CTBP1: variants seen among roughly 807,000 people sequenced by gnomAD.
The protein encoded by CTBP1 is C-terminal-binding protein 1.
A neutral mutation model predicts 42.1 loss-of-function variants in CTBP1; 11 were observed. The ratio of observed to expected loss-of-function variants is 0.26; its 90% CI spans 0.16 to 0.43. The LOEUF (loss-of-function observed/expected upper bound fraction) is 0.43. CTBP1 is among the 20% of genes least tolerant of loss of function. The pLI is 1.00. For synonymous variants in CTBP1, 324 were observed against 277.1 expected (o/e 1.17, Z -1.68); for missense variants, 399 against 624.3 (o/e 0.64, Z 3.85).
intron 3 of CTBP1, chr4:1,236,416 G>A (rs555188548): frequency 2.9e-4 from 161 of 557,868 alleles, no homozygotes; most frequent in African/African-American, 2.6e-3. Flanking sequence ...GAAGACCGCC[G>A]CGCAACTGGG....
chr4:1,244,787 C>T lies in CTBP1; in HGVS notation c.-188-3268G>A, dbSNP rs989327854. Reference sequence around the variant, plus strand: ...CTGCCCTGCCGTGAGTCCCCGGCAGCCATCTGGGCATTGGTGAGATGCCCC... The same window carrying T: ...CTGCCCTGCCGTGAGTCCCCGGCAGTCATCTGGGCATTGGTGAGATGCCCC... On this transcript the variant is annotated intron_variant, in intron 1 of 9. Coordinates refer to ENST00000382952, the MANE Select transcript of CTBP1 (RefSeq NM_001012614.2). 81 of 985,308 alleles carry T rather than the reference C, an allele frequency of 8.2e-5. No homozygotes were observed. In the African/African-American group the frequency reaches 1.2e-3, roughly 15 times the overall value. The allele number at this position is 985,308 out of a possible 1,614,324, so 61.0% of individuals were successfully genotyped here.
chr4:1,214,656 C>T (rs1173707610), intron 6 of CTBP1, among the ~76,000 whole-genome samples, 183 bp from the exon 7 acceptor site: 2 of 152,264 alleles, frequency 1.3e-5, no homozygotes, highest in Non-Finnish European at 2.9e-5. Context: ...GCGGCCCTGA[C>T]AGGCTGGCTG....
chr4:1,214,158 A>C, intron 7 of CTBP1, 185 bp downstream of exon 7: 1 of 732,204 alleles, frequency 1.4e-6, no homozygotes, highest in Non-Finnish European at 2.0e-6. Context: ...GACCGAGGCA[A>C]GGCAGGCCTA....
chr4:1,229,423 G>A (rs1730731706), intron 3 of CTBP1, among the ~76,000 whole-genome samples: 1 of 152,232 alleles, frequency 6.6e-6, no homozygotes, highest in Admixed American at 6.5e-5. Context: ...CGTCCACATG[G>A]GCATGTCCGA....
intron 1 of CTBP1, chr4:1,244,116 G>A (rs1481371084): frequency 6.4e-5 from 63 of 985,202 alleles, no homozygotes; most frequent in Non-Finnish European, 7.4e-5. Context: ...GTGGCGGCCC[G>A]ATGACCCCAG....
chr4:1,248,907 C>G lies in CTBP1; in HGVS notation c.-189+9G>C. ...CCGCGGCCGGAAACGCGCGCGCGCG[C>G]GGCCTTACCAAGCGGCAGGCCCTTG... is the stretch of plus-strand genomic sequence containing the variant. On this transcript the variant is annotated intron_variant, in intron 1 of 9. Transcript: ENST00000382952. The G allele has an allele frequency of 2.0e-6, 2 of 985,562 alleles. No homozygotes were observed. The highest frequency in any genetic ancestry group is 2.4e-6 in the Non-Finnish European group (2 of 828,364). The allele number at this position is 985,562 out of a possible 1,614,324, so 61.1% of individuals were successfully genotyped here.
At position 1,239,845 on chromosome 4, in the gene CTBP1, G is replaced by A. The variant is rs1161015968; in HGVS notation, c.7+1480C>T. On this transcript the variant is annotated intron_variant, in intron 2 of 9. Transcript: ENST00000382952. ...GTGAGGTCTGCACGGTCAAAACCGC[G>A]TCCTGGTTCGCCTGTTCCTTCATTC... Among the ~76,000 whole-genome samples, 5 of 152,222 alleles carry A rather than the reference G, an allele frequency of 3.3e-5. No individual in the cohort carries two copies. The East Asian group carries it at 9.6e-4, about 29-fold the overall frequency.
In CTBP1 at chr4:1,223,150, C is replaced by G. The variant is rs371279138; in HGVS notation, c.514+2210G>C. Among the ~76,000 whole-genome samples the G allele has an allele frequency of 3.4e-4, 52 of 152,256 alleles. No homozygotes were observed. The South Asian group carries it at 8.9e-3, about 26-fold the overall frequency. On this transcript the variant is annotated intron_variant, in intron 5 of 9. Transcript: ENST00000382952. ...AGAGCCCCGAGTCCCCGGCCCCTCC[C>G]GACCTCTGCCCCAACCTGGGCTTCC... is the stretch of plus-strand genomic sequence containing the variant.
chr4:1,243,860 A>G (rs1732440055), intron 1 of CTBP1: 4 of 985,360 alleles, frequency 4.1e-6, no homozygotes, highest in Non-Finnish European at 4.8e-6. Context: ...CACGGCTCTC[A>G]GCCCAGCGAC....
At chr4:1,221,217 T>G (rs1264000904) in intron 5 of CTBP1, among the ~76,000 whole-genome samples, 1 of 152,228 alleles carries the variant, frequency 6.6e-6, no homozygotes, top group African/African-American at 2.4e-5. Context: ...GCCTCCTCAC[T>G]TATCAGGAAA....
At chr4:1,223,789 G>A (rs1219551382) in intron 5 of CTBP1, among the ~76,000 whole-genome samples, 1 of 151,946 alleles carries the variant, frequency 6.6e-6, no homozygotes, top group Non-Finnish European at 1.5e-5. Flanking sequence ...CTTAAGACAT[G>A]GCTCTACTCC....
At chr4:1,225,790 G>C (rs1730273312) in intron 4 of CTBP1, among the ~76,000 whole-genome samples, 1 of 152,186 alleles carries the variant, frequency 6.6e-6, no homozygotes, top group Non-Finnish European at 1.5e-5. Flanking sequence ...TCACGTGGCA[G>C]CACACACACG....
intron 5 of CTBP1, among the ~76,000 whole-genome samples, chr4:1,222,011 C>T (rs1729792179): frequency 6.6e-6 from 1 of 152,186 alleles, no homozygotes. Flanking sequence ...CTGCCCAGGG[C>T]TTCCACATTC....
chr4:1,212,718 C>T (rs982722124), intron 9 of CTBP1, 195 bp downstream of exon 9: 2 of 627,548 alleles, frequency 3.2e-6, no homozygotes, highest in Admixed American at 2.9e-5. Flanking sequence ...GCCCTGAAGG[C>T]CACCCCAGCC....
At chr4:1,221,132 G>A (rs543333085) in intron 5 of CTBP1, among the ~76,000 whole-genome samples, 14 of 152,368 alleles carry the variant, frequency 9.2e-5, no homozygotes, top group East Asian at 5.8e-4. Context: ...CGCAGACCAC[G>A]TGAGGGCTTC....
At position 1,238,581 on chromosome 4, in the gene CTBP1, A is replaced by G. The variant is rs1731821822; in HGVS notation, c.8-244T>C. On this transcript the variant is annotated intron_variant, in intron 2 of 9. Transcript: ENST00000382952. The surrounding 1 kb of genome is among the most constrained non-coding windows in gnomAD (Gnocchi z 5.9). ...ACCCACTACCATCTCCCTTGGGCAC[A>G]GGACCTCCGAGACCCTCCAAGTCCC... Among the ~76,000 whole-genome samples, 1 of 151,882 alleles carries G rather than the reference A, an allele frequency of 6.6e-6. No individual in the cohort carries two copies. The highest frequency in any genetic ancestry group is 2.4e-5 in the African/African-American group (1 of 41,306).
At chr4:1,218,460 A>G (rs1179544145) in intron 5 of CTBP1, 1 of 152,080 alleles carries the variant, frequency 6.6e-6, no homozygotes, top group Non-Finnish European at 1.5e-5. Context: ...GGAATCGGTC[A>G]CTGGTGAGCC....
At chr4:1,241,679 G>C (rs1179118437) in intron 1 of CTBP1, 160 bp from the exon 2 acceptor site, 3 of 1,276,438 alleles carry the variant, frequency 2.4e-6, no homozygotes, top group South Asian at 1.5e-5. Flanking sequence ...TGACAGCCAG[G>C]GGCCCCGGCT....
chr4:1,237,894 C>T (rs1264193617), intron 3 of CTBP1: 6 of 700,442 alleles, frequency 8.6e-6, no homozygotes, highest in Admixed American at 8.0e-5. Context: ...CGAATGTCCA[C>T]CTCCTGATGG....
Sources: gnomAD v4.1 joint callset for allele counts (sites outside exome capture counted in the v4.1 genomes callset) on GRCh38, gnomAD v4.1.1 for gene constraint, Gnocchi (gnomAD v3.1) non-coding constraint, MANE v1.5 for transcripts, NCBI Gene and HGNC (gene_info 2026-07-23, HGNC 2026-07-21) for gene names.